WNT8A: variants seen among roughly 807,000 people sequenced by gnomAD.
WNT8A encodes the protein Wnt family member 8A, also known as protein Wnt-8a.
WNT8A carries 14 observed loss-of-function variants against 20.5 expected under a neutral mutation model. That is an observed-to-expected ratio of 0.68 (90% CI 0.45 to 1.07). The LOEUF is 1.07. Ranked by LOEUF, WNT8A falls within the 50% of genes least tolerant of loss-of-function variation. WNT8A has a pLI of 0.00. For synonymous variants in WNT8A, 167 were observed against 169.2 expected (o/e 0.99, Z 0.10); for missense variants, 397 against 462.9 (o/e 0.86, Z 1.31).
upstream of WNT8A, among the ~76,000 whole-genome samples, chr5:138,082,497 T>G (rs543837037): frequency 9.7e-4 from 146 of 150,448 alleles, 1 homozygote; most frequent in African/African-American, 3.4e-3. Flanking sequence ...GAGAATCACT[T>G]GAACACAGAG....
chr5:138,079,459 A>G (rs1406850855), upstream of WNT8A, among the ~76,000 whole-genome samples: 1 of 151,776 alleles, frequency 6.6e-6, no homozygotes, highest in Non-Finnish European at 1.5e-5. Context: ...AAGGCTATTT[A>G]TACCCATTAT....
chr5:138,091,713 A>G (rs1029335537), downstream of WNT8A, among the ~76,000 whole-genome samples: 55 of 152,088 alleles, frequency 3.6e-4, no homozygotes, highest in African/African-American at 1.3e-3. Flanking sequence ...GTAGTCCTAG[A>G]TACTTGGGAG....
At chr5:138,091,594 TCC>T, downstream of WNT8A, 1 of 954,586 alleles carries the variant, frequency 1.0e-6, no homozygotes. Flanking sequence ...GGATTTTTTA[TCC>T]CCCAAGTATG....
Position 138,084,494 on chromosome 5 carries a change from C to A in WNT8A, c.157-4C>A. ...GAAGCTCACAGCCCTTTTCCCTTTG[C>A]CAGGCCTATCTGACCTACACGACTA... On this transcript the variant is annotated splice_polypyrimidine_tract_variant and splice_region_variant and intron_variant, in intron 1 of 4. Coordinates refer to ENST00000506684, the MANE Select transcript of WNT8A (RefSeq NM_001300939.2). The A allele has an allele frequency of 6.3e-7, 1 of 1,597,742 alleles. No individual in the cohort carries two copies. The highest frequency in any genetic ancestry group is 8.5e-7 in the Non-Finnish European group (1 of 1,171,160).
chr5:138,090,011 G>C (rs146444316), intron 4 of WNT8A, among the ~76,000 whole-genome samples: 1 of 152,084 alleles, frequency 6.6e-6, no homozygotes, highest in Non-Finnish European at 1.5e-5. Flanking sequence ...CATTGCCTTG[G>C]GGGTATAAGT....
chr5:138,083,889 C>T, upstream of WNT8A: 1 of 497,480 alleles, frequency 2.0e-6, no homozygotes, highest in East Asian at 3.1e-5. Context: ...TTGGCGAAAA[C>T]TGAGTCCCTC....
At chr5:138,083,857 G>A (rs1256342218), upstream of WNT8A, 3 of 451,754 alleles carry the variant, frequency 6.6e-6, no homozygotes, top group Admixed American at 7.2e-5. Flanking sequence ...AAGGGCTGGA[G>A]GGGCTGGGCA....
At chr5:138,077,400 T>TTC in the WNT8A span, among the ~76,000 whole-genome samples, 704 of 152,186 alleles carry the variant, frequency 4.6e-3, 6 homozygotes, top group Non-Finnish European at 5.6e-3. Flanking sequence ...TAATTTAAAC[T>TTC]TCTCTCTCTC....
Position 138,090,575 on chromosome 5 carries a change from T to C in WNT8A, c.612T>C (p.Ser204=). Residue 204 remains serine, a synonymous_variant, in exon 5 of 5, where the codon TCT becomes TCC. Transcript: ENST00000506684. The part of the protein sequence containing the change: ...MKRTCKCHGI[S]GSCSIQTCWL... The stretch of plus-strand genomic sequence containing the variant: ...GGACATGCAAATGTCATGGCATCTC[T>C]GGGAGCTGCAGCATACAGACATGCT... 2.5e-6 allele frequency: 4 copies of C among 1,614,106 alleles called. No homozygotes were observed. Among genetic ancestry groups the C allele is most frequent in the Non-Finnish European group, 3.4e-6 (4 of 1,179,980 alleles).
At chr5:138,080,444 G>GTTTTTTTTTTTTTTTTTTTTTTTTTTT (rs371833243), upstream of WNT8A, among the ~76,000 whole-genome samples, 1 of 55,996 alleles carries the variant, frequency 1.8e-5, no homozygotes, top group Non-Finnish European at 3.2e-5. Context: ...TGTAAATCTT[G>GTTTTTTTTTTTTTTTTTTTTTTTTTTT]TTTTTTTTTT....
Position 138,084,523 on chromosome 5 carries a change from T to C in WNT8A, c.182T>C (p.Val61Ala), listed in dbSNP as rs1247244954. The change falls in exon 2 of 5, where the codon GTG (valine) becomes GCG (alanine). Residue 61 changes from valine (V) to alanine (A), a missense_variant. Val to Ala is a moderately conservative substitution (Grantham distance 64). Coordinates refer to ENST00000506684, the MANE Select transcript of WNT8A (RefSeq NM_001300939.2). ...PKAYLTYTTSVALGAQSGIEE... is the reference protein window; with the variant it reads ...PKAYLTYTTSAALGAQSGIEE... ...GCCTATCTGACCTACACGACTAGTG[T>C]GGCCTTGGGTGCCCAGAGTGGCATC... 3 of 1,612,546 alleles carry C rather than the reference T, an allele frequency of 1.9e-6. No homozygotes were observed. The highest frequency in any genetic ancestry group is 2.5e-6 in the Non-Finnish European group (3 of 1,179,304).
chr5:138,088,827 A>C (rs945469459), intron 3 of WNT8A, 100 bp from the exon 4 acceptor site: 3 of 1,471,718 alleles, frequency 2.0e-6, no homozygotes, highest in Non-Finnish European at 2.7e-6. Flanking sequence ...TCTCACCTTC[A>C]GCCATAGCTT....
intron 2 of WNT8A, 100 bp from the exon 3 acceptor site, chr5:138,087,706 A>C: frequency 1.9e-6 from 2 of 1,045,310 alleles, no homozygotes; most frequent in Non-Finnish European, 1.3e-6. Context: ...ACCCAAAGGA[A>C]GTGGGGGATA....
upstream of WNT8A, among the ~76,000 whole-genome samples, chr5:138,080,992 A>G (rs1169884418): frequency 2.0e-5 from 3 of 152,176 alleles, no homozygotes; most frequent in Non-Finnish European, 4.4e-5. Flanking sequence ...CTGTAATCCC[A>G]GCACTTTGGG....
upstream of WNT8A, among the ~76,000 whole-genome samples, chr5:138,080,444 G>GTTTTTTTGTTTTTTT (rs750585385): frequency 3.6e-4 from 20 of 55,968 alleles, no homozygotes; most frequent in Middle Eastern, 0.011. Context: ...TGTAAATCTT[G>GTTTTTTTGTTTTTTT]TTTTTTTTTT....
chr5:138,085,853 CAAAAAAAAA>C (rs11377173), intron 2 of WNT8A, among the ~76,000 whole-genome samples: 1 of 74,932 alleles, frequency 1.3e-5, no homozygotes, highest in Non-Finnish European at 2.5e-5. Context: ...GACCTTGTCT[CAAAAAAAAA>C]AAAAAAAAAA....
intron 2 of WNT8A, 75 bp downstream of exon 2, chr5:138,084,711 T>C (rs2151144514): frequency 6.7e-7 from 1 of 1,498,698 alleles, no homozygotes; most frequent in South Asian, 1.4e-5. Context: ...TGTGTATATG[T>C]GTGACATGTA....
rs1436755523 is a variant in WNT8A at position 138,084,548 on chromosome 5, C to T, written c.207C>T (p.Ile69=). The change falls in exon 2 of 5, where the codon ATC becomes ATT. Residue 69 remains isoleucine (I), a synonymous_variant. Transcript: ENST00000506684. ...TGGCCTTGGGTGCCCAGAGTGGCAT[C>T]GAGGAGTGCAAGTTCCAGTTTGCTT... ...TSVALGAQSG[I]EECKFQFAWE... The T allele has an allele frequency of 3.1e-6, 5 of 1,613,622 alleles. No homozygotes were observed. In the African/African-American group the frequency reaches 4.0e-5, roughly 13 times the overall value.
In WNT8A at chr5:138,090,735, GCCTT is replaced by G; in HGVS notation, c.780_783del (p.Pro261AlafsTer6). 1 of 1,614,212 alleles carries G rather than the reference GCCTT, an allele frequency of 6.2e-7. No individual in the cohort carries two copies. Among genetic ancestry groups the G allele is most frequent in the Non-Finnish European group, 8.5e-7 (1 of 1,180,046 alleles). On this transcript the variant is annotated frameshift_variant, in exon 5 of 5. Transcript: ENST00000506684. LOFTEE classifies it low-confidence loss of function (END_TRUNC). ...CGAGGGCCACTGGGTGCCCGCTGAG[GCCTT>G]CCTTCCTAGCGCAGAGGCGGAACTG...
Sources: allele counts gnomAD v4.1 joint callset (sites outside exome capture counted in the v4.1 genomes callset), GRCh38; gene constraint gnomAD v4.1.1; transcripts MANE v1.5; gene names NCBI Gene and HGNC (gene_info 2026-07-23, HGNC 2026-07-21).